Variants in SBF2 observed in about 807,000 individuals in gnomAD.
SBF2 encodes SET binding factor 2.
SBF2 carries 112 observed loss-of-function variants against 225.2 expected under a neutral mutation model. The observed-to-expected ratio is 0.50, with a 90% CI of 0.43 to 0.58. SBF2 has a LOEUF of 0.58. SBF2 is among the 20% of genes least tolerant of loss of function. The pLI, the probability that SBF2 is intolerant of heterozygous loss-of-function variation, is 0.00. For synonymous variants in SBF2, 763 were observed against 773.3 expected, an observed-to-expected ratio of 0.99 and a Z score of 0.22; for missense variants, 1,996 against 2,206.2, an observed-to-expected ratio of 0.90 and a Z score of 1.91.
intron 33 of SBF2, among the ~76,000 whole-genome samples, chr11:9,793,223 T>C (rs1010508333): frequency 1.3e-5 from 2 of 152,196 alleles, no homozygotes; most frequent in Admixed American, 6.5e-5. Flanking sequence ...CCCTGTGTGA[T>C]AGGCAGGGCT....
chr11:9,947,275 G>A (rs1004130298), intron 16 of SBF2, among the ~76,000 whole-genome samples: 9 of 152,204 alleles, frequency 5.9e-5, no homozygotes, highest in Admixed American at 4.6e-4. Flanking sequence ...AGATCACAAT[G>A]AGCTCAGGCT....
chr11:9,811,754 G>A (rs949074498), intron 30 of SBF2, among the ~76,000 whole-genome samples: 1 of 151,268 alleles, frequency 6.6e-6, no homozygotes, highest in Non-Finnish European at 1.5e-5. Flanking sequence ...AATGTGCTGT[G>A]GGAAACAAGA....
chr11:10,137,412 G>C (rs1198998057), intron 2 of SBF2, among the ~76,000 whole-genome samples: 2 of 152,096 alleles, frequency 1.3e-5, no homozygotes, highest in Admixed American at 6.5e-5. Flanking sequence ...TATTGAGCTG[G>C]CTAGAACTTC....
chr11:9,839,733 G>A (rs780140231), intron 25 of SBF2, 37 bp from the exon 26 acceptor site: 7 of 1,581,298 alleles, frequency 4.4e-6, no homozygotes, highest in Admixed American at 1.7e-5. Flanking sequence ...GAAATGATTA[G>A]CTCAAAGCAA....
At chr11:9,848,383 A>C (rs926006713) in intron 22 of SBF2, among the ~76,000 whole-genome samples, 1 of 152,260 alleles carries the variant, frequency 6.6e-6, no homozygotes, top group Non-Finnish European at 1.5e-5. Flanking sequence ...AAAGGAAATA[A>C]AAAGATTTTC....
In SBF2 at chr11:9,781,647, A is replaced by G. The variant is rs1272795170; in HGVS notation, c.5320-9T>C. 6.2e-7 allele frequency: 1 copy of G among 1,614,024 alleles called. No individual in the cohort carries two copies. Among genetic ancestry groups the G allele is most frequent in the Admixed American group, 1.7e-5 (1 of 60,014 alleles). ...GAGTCATAGTAGCGCAGCTGGAACCAAAAGGATACAAGTGAGATATAAGAG... is the reference window on the plus strand; with the variant it reads ...GAGTCATAGTAGCGCAGCTGGAACCGAAAGGATACAAGTGAGATATAAGAG... On this transcript the variant is annotated splice_polypyrimidine_tract_variant and intron_variant, in intron 38 of 39. Coordinates refer to ENST00000256190, the MANE Select transcript of SBF2 (RefSeq NM_030962.4).
intron 2 of SBF2, among the ~76,000 whole-genome samples, chr11:10,170,634 T>C (rs1364988872): frequency 6.6e-6 from 1 of 152,072 alleles, no homozygotes; most frequent in Non-Finnish European, 1.5e-5. Context: ...ATTCTGGGTC[T>C]TTTTTTGCCT....
At chr11:10,180,800 T>C (rs895211999) in intron 2 of SBF2, among the ~76,000 whole-genome samples, 7 of 152,140 alleles carry the variant, frequency 4.6e-5, no homozygotes, top group Admixed American at 4.6e-4. Context: ...CACAAATTCT[T>C]TCTTCCACTT....
At chr11:10,268,322 G>C (rs1962182005) in intron 1 of SBF2, among the ~76,000 whole-genome samples, 1 of 151,908 alleles carries the variant, frequency 6.6e-6, no homozygotes, top group Non-Finnish European at 1.5e-5. Flanking sequence ...TCCATTTTAA[G>C]TTCTTAAACC....
intron 2 of SBF2, among the ~76,000 whole-genome samples, chr11:10,063,661 A>T (rs1231199482): frequency 2.0e-5 from 3 of 151,878 alleles, no homozygotes; most frequent in East Asian, 3.9e-4. Context: ...CTGGCCAAAA[A>T]TTTTTTAAAA....
chr11:9,945,225 G>A (rs1453877646), intron 16 of SBF2, among the ~76,000 whole-genome samples: 1 of 152,128 alleles, frequency 6.6e-6, no homozygotes, highest in Non-Finnish European at 1.5e-5. Context: ...CCAAAATCAG[G>A]ATGGCACTGG....
At chr11:9,875,617 G>A (rs989072671) in intron 17 of SBF2, among the ~76,000 whole-genome samples, 2 of 152,164 alleles carry the variant, frequency 1.3e-5, no homozygotes, top group African/African-American at 4.8e-5. Flanking sequence ...AAAATAACAG[G>A]GCCAGTGAAG....
intron 17 of SBF2, among the ~76,000 whole-genome samples, chr11:9,892,177 G>A (rs574150814): frequency 6.6e-6 from 1 of 152,172 alleles, no homozygotes; most frequent in East Asian, 1.9e-4. Context: ...GGAGTGCAGT[G>A]GCGTGATCTC....
At chr11:10,251,602 T>C (rs1422161386) in intron 1 of SBF2, among the ~76,000 whole-genome samples, 1 of 152,166 alleles carries the variant, frequency 6.6e-6, no homozygotes, top group Non-Finnish European at 1.5e-5. Flanking sequence ...TATTTAATCT[T>C]AGGTGGTTTG....
At chr11:9,893,523 CCTT>C (rs1310763956) in intron 17 of SBF2, among the ~76,000 whole-genome samples, 1 of 152,194 alleles carries the variant, frequency 6.6e-6, no homozygotes, top group Non-Finnish European at 1.5e-5. Flanking sequence ...TGTACTTTCT[CCTT>C]CTTGCTCCTG....
intron 13 of SBF2, among the ~76,000 whole-genome samples, chr11:9,981,437 C>T (rs1565091380): frequency 6.6e-6 from 1 of 152,054 alleles, no homozygotes; most frequent in South Asian, 2.1e-4. Context: ...TGCACATGTG[C>T]CCCTTAATCT....
intron 2 of SBF2, 22 bp from the exon 3 acceptor site, chr11:10,043,003 AT>A: frequency 1.2e-6 from 2 of 1,610,084 alleles, no homozygotes; most frequent in Non-Finnish European, 8.5e-7. Flanking sequence ...AGAAAAAAAA[AT>A]GTAACATTTA....
At chr11:10,190,280 T>C (rs181365180) in intron 2 of SBF2, among the ~76,000 whole-genome samples, 27 of 152,324 alleles carry the variant, frequency 1.8e-4, no homozygotes, top group Non-Finnish European at 1.5e-4. Context: ...TTGTTAACCA[T>C]AGAATGCCTC....
At chr11:10,194,982 C>A (rs1957306628) in intron 1 of SBF2, among the ~76,000 whole-genome samples, 1 of 152,182 alleles carries the variant, frequency 6.6e-6, no homozygotes, top group South Asian at 2.1e-4. Flanking sequence ...GAAATAATTT[C>A]AAGTAACAAA....
Sources: gnomAD v4.1 joint callset for allele counts (sites outside exome capture counted in the v4.1 genomes callset) on GRCh38, gnomAD v4.1.1 for gene constraint, MANE v1.5 for transcripts, NCBI Gene and HGNC (gene_info 2026-07-23, HGNC 2026-07-21) for gene names.